Variants in BTBD7 observed in about 807,000 individuals in gnomAD.
BTBD7 encodes BTB/POZ domain-containing protein 7.
Under a neutral mutation model 99.9 loss-of-function variants are expected in BTBD7, and 38 were observed. The ratio of observed to expected loss-of-function variants is 0.38; its 90% CI spans 0.29 to 0.50. The LOEUF (loss-of-function observed/expected upper bound fraction) is 0.50. Among genes scored for constraint, BTBD7 ranks in the 20% least tolerant of loss-of-function variants. The probability of loss-of-function intolerance (pLI) is 0.93; values close to 1 mark genes in which losing one functional copy is unlikely to be tolerated. For missense variants in BTBD7, 1,170 were observed against 1,394.6 expected (o/e 0.84, Z 2.57); for synonymous variants, 520 against 511.4 (o/e 1.02, Z -0.23).
At chr14:93,257,097 C>T in intron 6 of BTBD7, 98 bp downstream of exon 6, 2 of 1,234,178 alleles carry the variant, frequency 1.6e-6, no homozygotes, top group East Asian at 2.4e-5. Context: ...TACAGCTTCA[C>T]AATACTCTAT....
chr14:93,331,247 T>C (rs2053400322), intron 1 of BTBD7, among the ~76,000 whole-genome samples: 1 of 152,152 alleles, frequency 6.6e-6, no homozygotes, highest in Non-Finnish European at 1.5e-5. Context: ...CAATGAAAAG[T>C]AAGCAGCTCA....
At chr14:93,299,328 G>A (rs995785453) in intron 1 of BTBD7, among the ~76,000 whole-genome samples, 1 of 152,150 alleles carries the variant, frequency 6.6e-6, no homozygotes, top group Non-Finnish European at 1.5e-5. Flanking sequence ...ATTTATTTCT[G>A]AATCTAAACC....
chr14:93,257,410 T>A (rs910023027), intron 5 of BTBD7, 55 bp from the exon 6 acceptor site: 60 of 1,544,036 alleles, frequency 3.9e-5, no homozygotes, highest in Non-Finnish European at 4.9e-5. Flanking sequence ...CTGAGACAGG[T>A]TTCCTTTGTT....
chr14:93,298,482 T>C (rs549186022), intron 1 of BTBD7, among the ~76,000 whole-genome samples: 1 of 152,328 alleles, frequency 6.6e-6, no homozygotes, highest in Non-Finnish European at 1.5e-5. Flanking sequence ...ACCTTCAGGC[T>C]ATGTGTATAA....
At chr14:93,270,120 G>A (rs562070714) in intron 3 of BTBD7, among the ~76,000 whole-genome samples, 1 of 152,196 alleles carries the variant, frequency 6.6e-6, no homozygotes, top group East Asian at 1.9e-4. Context: ...TTTTGAGATG[G>A]AGTTTCACTC....
At chr14:93,332,577 G>C (rs1021325059) in intron 1 of BTBD7, among the ~76,000 whole-genome samples, 1 of 151,334 alleles carries the variant, frequency 6.6e-6, no homozygotes, top group Non-Finnish European at 1.5e-5. Flanking sequence ...CCCCAGGGAC[G>C]GCGGCGCGCT....
chr14:93,313,962 T>C (rs958292597), intron 1 of BTBD7, among the ~76,000 whole-genome samples: 1 of 151,930 alleles, frequency 6.6e-6, no homozygotes, highest in Non-Finnish European at 1.5e-5. Context: ...CCCAGGCTGG[T>C]CTTGAACTCC....
chr14:93,313,911 A>G (rs1213068127), intron 1 of BTBD7, among the ~76,000 whole-genome samples: 1 of 151,404 alleles, frequency 6.6e-6, no homozygotes, highest in Non-Finnish European at 1.5e-5. Flanking sequence ...TGAACAACAA[A>G]ATTTTTTTTT....
At chr14:93,265,261 T>C (rs935167474) in intron 3 of BTBD7, among the ~76,000 whole-genome samples, 2 of 152,058 alleles carry the variant, frequency 1.3e-5, no homozygotes, top group Non-Finnish European at 2.9e-5. Flanking sequence ...AGATAATGAG[T>C]AGCAATATGG....
At position 93,260,902 on chromosome 14, in the gene BTBD7, C is replaced by T. The variant is rs557523010; in HGVS notation, c.1447+700G>A. 9.2e-5 allele frequency among the ~76,000 whole-genome samples: 14 copies of T among 151,740 alleles called. No homozygotes were observed. In the South Asian group the frequency reaches 1.5e-3, roughly 16 times the overall value. ...AACAATGAATGCTTTTTTATTTGTACTCTTTTTTTTTTTGAGTCTTGCTCT... is the reference window on the plus strand; with the variant it reads ...AACAATGAATGCTTTTTTATTTGTATTCTTTTTTTTTTTGAGTCTTGCTCT... On this transcript the variant is annotated intron_variant, in intron 5 of 10. Coordinates refer to ENST00000334746, the MANE Select transcript of BTBD7 (RefSeq NM_001002860.4).
At chr14:93,311,336 TCTTGTATTTTTCTTGCCTTTGA>T (rs2053135827) in intron 1 of BTBD7, among the ~76,000 whole-genome samples, 2 of 152,150 alleles carry the variant, frequency 1.3e-5, no homozygotes, top group Admixed American at 1.3e-4. Flanking sequence ...TCCAGGCATA[TCTTGTATTTTTCTTGCCTTTGA>T]CTTGGCACTG....
Position 93,294,015 on chromosome 14 carries a change from G to A in BTBD7, c.1005C>T (p.Asp335=), listed in dbSNP as rs141927413. The A allele has an allele frequency of 8.1e-6, 13 of 1,613,924 alleles. No individual in the cohort carries two copies. Among genetic ancestry groups the A allele is most frequent in the Admixed American group, 1.7e-5 (1 of 60,014 alleles). ...ATVILHCMYT[D]VVDLSVLHCS... Reference sequence around the variant, plus strand: ...AGTGCAAAACAGAGAGGTCCACCACGTCGGTATACATACAGTGTAATATCA... The same window carrying A: ...AGTGCAAAACAGAGAGGTCCACCACATCGGTATACATACAGTGTAATATCA... Residue 335 remains aspartate (D), a synonymous_variant, in exon 3 of 11, where the codon GAC becomes GAT. Transcript: ENST00000334746.
rs2052177565 is a variant in BTBD7 at position 93,237,816 on chromosome 14, G to A, written c.*4457C>T. On this transcript the variant is annotated 3_prime_UTR_variant, in exon 11 of 11. Transcript: ENST00000334746. ...AGTTTTACAAAGTACTGGTTATGCAGGTTGTAGAAAACACTTGCATAGGAC... is the reference window on the plus strand; with the variant it reads ...AGTTTTACAAAGTACTGGTTATGCAAGTTGTAGAAAACACTTGCATAGGAC... The A allele has an allele frequency of 6.6e-6, 1 of 152,656 alleles. No homozygotes were observed. 9.5% of individuals were successfully genotyped at this position (152,656 alleles called of 1,614,324 possible).
At position 93,332,854 on chromosome 14, in the gene BTBD7, G is replaced by A. The variant is rs1343596364; in HGVS notation, c.-141C>T. The A allele has an allele frequency of 4.1e-6, 6 of 1,477,482 alleles. No individual in the cohort carries two copies. The highest frequency in any genetic ancestry group is 4.7e-5 in the Admixed American group (2 of 42,566). 91.5% of individuals were successfully genotyped at this position (1,477,482 alleles called of 1,614,324 possible). ...TCCTCCCGCCGCTGCTGCTGCCGCT[G>A]GGACCGCTGCCGTCGCCTCCGCCGC... On this transcript the variant is annotated 5_prime_UTR_variant, in exon 1 of 11. Coordinates refer to ENST00000334746, the MANE Select transcript of BTBD7 (RefSeq NM_001002860.4).
chr14:93,328,599 T>C (rs2053360247), intron 1 of BTBD7, among the ~76,000 whole-genome samples: 2 of 112,902 alleles, frequency 1.8e-5, no homozygotes, highest in African/African-American at 3.2e-5. Flanking sequence ...GAGCCAGAAC[T>C]ATAAAATTCT....
intron 1 of BTBD7, among the ~76,000 whole-genome samples, chr14:93,331,139 G>C: frequency 6.6e-6 from 1 of 152,112 alleles, no homozygotes; most frequent in Non-Finnish European, 1.5e-5. Context: ...ACTTGAAGTA[G>C]CTGTCAGAAT....
At chr14:93,247,957 G>A (rs745496683) in intron 9 of BTBD7, among the ~76,000 whole-genome samples, 3 of 152,200 alleles carry the variant, frequency 2.0e-5, no homozygotes, top group Non-Finnish European at 4.4e-5. Flanking sequence ...AAACGAAAGT[G>A]GGCATGTGAA....
At position 93,245,966 on chromosome 14, in the gene BTBD7, T is replaced by G. The variant is rs1360719314; in HGVS notation, c.2442A>C (p.Pro814=). The change falls in exon 10 of 11, where the codon CCA becomes CCC. Residue 814 remains proline (P), a synonymous_variant. Transcript: ENST00000334746. Reference sequence around the variant, plus strand: ...CAGCTTTCACACTCGGCAAGTAGACTGGGGGAGGGCCAGCTTTAGGAGCTG... The same window carrying G: ...CAGCTTTCACACTCGGCAAGTAGACGGGGGGAGGGCCAGCTTTAGGAGCTG... ...SRTAPKAGPP[P]VYLPSVKAAP... is the part of the protein sequence containing the mutation. The G allele has an allele frequency of 6.2e-7, 1 of 1,614,050 alleles. No homozygotes were observed. Among genetic ancestry groups the G allele is most frequent in the East Asian group, 2.2e-5 (1 of 44,872 alleles).
intron 7 of BTBD7, 108 bp downstream of exon 7, chr14:93,253,536 ATTG>A: frequency 1.0e-6 from 1 of 963,684 alleles, no homozygotes; most frequent in Non-Finnish European, 1.4e-6. Context: ...CATTTTCCCT[ATTG>A]TTGAAAATAT....
Sources: gnomAD v4.1 joint callset for allele counts (sites outside exome capture counted in the v4.1 genomes callset) on GRCh38, gnomAD v4.1.1 for gene constraint, MANE v1.5 for transcripts, NCBI Gene and HGNC (gene_info 2026-07-23, HGNC 2026-07-21) for gene names.